Variants in GRM8 observed in about 807,000 individuals in gnomAD.
GRM8 encodes the protein glutamate metabotropic receptor 8.
Under a neutral mutation model 87.2 loss-of-function variants are expected in GRM8, and 47 were observed. The observed-to-expected ratio is 0.54, with a 90% CI of 0.43 to 0.69. The LOEUF is 0.69. Among genes scored for constraint, GRM8 ranks in the 30% least tolerant of loss-of-function variants. The probability of loss-of-function intolerance (pLI) is 0.00; values close to 1 mark genes in which losing one functional copy is unlikely to be tolerated. For synonymous variants in GRM8, 396 were observed against 404.5 expected (o/e 0.98, Z 0.25); for missense variants, 1,019 against 1,139.2 (o/e 0.89, Z 1.52).
At chr7:126,481,978 T>C (rs989187666) in intron 9 of GRM8, among the ~76,000 whole-genome samples, 1 of 152,054 alleles carries the variant, frequency 6.6e-6, no homozygotes, top group Non-Finnish European at 1.5e-5. Flanking sequence ...CAAACAACTA[T>C]ATTAAGAAAT....
chr7:127,231,012 T>C (rs559804362), intron 2 of GRM8, among the ~76,000 whole-genome samples: 1 of 152,182 alleles, frequency 6.6e-6, no homozygotes, highest in Admixed American at 6.5e-5. Flanking sequence ...TTTTACAGGA[T>C]TTTGGTCATT....
In GRM8 at chr7:126,513,040, C is replaced by A. The variant is rs759324063; in HGVS notation, c.2430+19912G>T. Among the ~76,000 whole-genome samples the A allele has an allele frequency of 2.8e-4, 43 of 152,042 alleles. 1 individual carries two copies. Among genetic ancestry groups the A allele is most frequent in the Non-Finnish European group, 5.6e-4 (38 of 68,002 alleles). ...GTTTCAAAATGTCAACTATAAAAAGCCTAGAGTTTTCCTATCATTACCACT... is the reference window on the plus strand; with the variant it reads ...GTTTCAAAATGTCAACTATAAAAAGACTAGAGTTTTCCTATCATTACCACT... On this transcript the variant is annotated intron_variant, in intron 9 of 10. Coordinates refer to ENST00000339582, the MANE Select transcript of GRM8 (RefSeq NM_000845.3).
chr7:127,223,032 G>A (rs566669880), intron 2 of GRM8, among the ~76,000 whole-genome samples: 1 of 152,272 alleles, frequency 6.6e-6, no homozygotes, highest in Non-Finnish European at 1.5e-5. Context: ...ATCTGGTGTA[G>A]ACAAATGTAA....
chr7:126,888,707 A>G (rs1165743900), intron 6 of GRM8, among the ~76,000 whole-genome samples: 2 of 152,020 alleles, frequency 1.3e-5, no homozygotes, highest in Non-Finnish European at 2.9e-5. Flanking sequence ...AGCACTGTCT[A>G]TTTTCTTTCT....
At chr7:127,150,366 C>T (rs529005924) in intron 2 of GRM8, among the ~76,000 whole-genome samples, 65 of 152,146 alleles carry the variant, frequency 4.3e-4, no homozygotes, top group Admixed American at 1.0e-3. Flanking sequence ...GACAGTGGAA[C>T]AGGAGCACAT....
At chr7:126,530,127 A>G (rs559939669) in intron 9 of GRM8, among the ~76,000 whole-genome samples, 1 of 152,344 alleles carries the variant, frequency 6.6e-6, no homozygotes, top group African/African-American at 2.4e-5. Flanking sequence ...AGTGTCCTTT[A>G]TAACTTCATT....
At chr7:126,726,459 C>T (rs901587351) in intron 7 of GRM8, among the ~76,000 whole-genome samples, 2 of 152,128 alleles carry the variant, frequency 1.3e-5, no homozygotes, top group African/African-American at 4.8e-5. Context: ...CGGGTCCCTG[C>T]TCTGGCCACT....
intron 9 of GRM8, among the ~76,000 whole-genome samples, chr7:126,509,338 A>G (rs1036202499): frequency 1.6e-4 from 24 of 152,158 alleles, no homozygotes; most frequent in African/African-American, 5.8e-4. Flanking sequence ...CAGACACTTG[A>G]GGCAATAAAG....
chr7:126,588,129 T>C (rs1362378380), intron 8 of GRM8, among the ~76,000 whole-genome samples: 1 of 152,128 alleles, frequency 6.6e-6, no homozygotes, highest in Non-Finnish European at 1.5e-5. Flanking sequence ...TAAAAAAACA[T>C]ATGTACCCAT....
At chr7:126,944,667 G>GAGAAC (rs1807338889) in intron 3 of GRM8, among the ~76,000 whole-genome samples, 1 of 152,052 alleles carries the variant, frequency 6.6e-6, no homozygotes, top group Admixed American at 6.6e-5. Flanking sequence ...ATACCCAAAA[G>GAGAAC]ATAACATAAA....
chr7:126,560,814 A>C (rs1793614067), intron 8 of GRM8, among the ~76,000 whole-genome samples: 1 of 152,212 alleles, frequency 6.6e-6, no homozygotes, highest in Admixed American at 6.5e-5. Flanking sequence ...AATGAATCAA[A>C]TGCATATTTA....
intron 7 of GRM8, among the ~76,000 whole-genome samples, chr7:126,728,366 T>C (rs913018721): frequency 2.0e-5 from 3 of 152,108 alleles, no homozygotes; most frequent in African/African-American, 7.2e-5. Context: ...TGAAGAAATA[T>C]GGACCCCAGC....
At chr7:126,733,993 A>G (rs1813907315) in intron 7 of GRM8, among the ~76,000 whole-genome samples, 1 of 152,072 alleles carries the variant, frequency 6.6e-6, no homozygotes, top group Admixed American at 6.6e-5. Context: ...AAAAATTATT[A>G]TTTTAAGCAT....
intron 9 of GRM8, among the ~76,000 whole-genome samples, chr7:126,500,680 C>T (rs768933494): frequency 5.0e-4 from 76 of 151,948 alleles, no homozygotes; most frequent in Non-Finnish European, 8.7e-4. Context: ...ATACTCAGCA[C>T]GGTGTTTGGC....
At chr7:126,510,986 T>A (rs902788923) in intron 9 of GRM8, 1 of 152,152 alleles carries the variant, frequency 6.6e-6, no homozygotes, top group African/African-American at 2.4e-5. Flanking sequence ...GGCTCTTACA[T>A]AGTCATGGTC....
At chr7:126,898,333 A>G (rs10227752) in intron 6 of GRM8, among the ~76,000 whole-genome samples, 26,952 of 152,138 alleles carry the variant, frequency 0.18, 2,452 homozygotes, top group East Asian at 0.28. Context: ...TAAAACAGAA[A>G]TGAAAACTGG....
chr7:126,622,933 C>A (rs932632130), intron 7 of GRM8, among the ~76,000 whole-genome samples: 1 of 152,154 alleles, frequency 6.6e-6, no homozygotes, highest in Admixed American at 6.6e-5. Flanking sequence ...GCAGACTTTT[C>A]CAATTATCTG....
chr7:127,069,713 G>T (rs1181477984), intron 3 of GRM8, among the ~76,000 whole-genome samples: 2 of 152,304 alleles, frequency 1.3e-5, no homozygotes, highest in African/African-American at 2.4e-5. Context: ...TTTACTAAAG[G>T]AGATAAATAT....
intron 8 of GRM8, among the ~76,000 whole-genome samples, chr7:126,578,420 C>T (rs1221087738): frequency 6.6e-6 from 1 of 152,248 alleles, no homozygotes; most frequent in South Asian, 2.1e-4. Flanking sequence ...GAGGAAGGAG[C>T]AAGTGGTGTG....
Sources: allele counts gnomAD v4.1 joint callset (sites outside exome capture counted in the v4.1 genomes callset), GRCh38; gene constraint gnomAD v4.1.1; transcripts MANE v1.5; gene names NCBI Gene and HGNC (gene_info 2026-07-23, HGNC 2026-07-21).